The following DENND2B variants were observed in gnomAD, a reference collection of about 807,000 sequenced individuals.
DENND2B encodes the protein DENN domain containing 2B.
In DENND2B, 32 loss-of-function variants were observed where a neutral mutation model predicts 116.0. The ratio of observed to expected loss-of-function variants is 0.28; its 90% CI spans 0.21 to 0.37. DENND2B has a LOEUF of 0.37. Ranked by LOEUF, DENND2B falls within the 10% of genes least tolerant of loss-of-function variation. The pLI is 1.00. For synonymous variants in DENND2B, 588 were observed against 583.9 expected (o/e 1.01, Z -0.10); for missense variants, 1,276 against 1,477.7 (o/e 0.86, Z 2.24).
At chr11:8,752,297 C>T (rs1565847721) in intron 1 of DENND2B, among the ~76,000 whole-genome samples, 1 of 152,132 alleles carries the variant, frequency 6.6e-6, no homozygotes, top group South Asian at 2.1e-4. Flanking sequence ...ACTAAAAATA[C>T]AAAAATCAGC....
chr11:8,789,216 A>G (rs998265901), intron 1 of DENND2B, among the ~76,000 whole-genome samples: 2 of 152,270 alleles, frequency 1.3e-5, no homozygotes, highest in Admixed American at 1.3e-4. Flanking sequence ...AAAACAAGCT[A>G]GTTCATGTGT....
At chr11:8,770,050 G>C (rs1038213868) in intron 1 of DENND2B, among the ~76,000 whole-genome samples, 1 of 152,136 alleles carries the variant, frequency 6.6e-6, no homozygotes, top group Non-Finnish European at 1.5e-5. Flanking sequence ...TTTAATCAAA[G>C]AGACTGCCAG....
At chr11:8,831,292 A>G (rs75072453) in intron 4 of DENND2B, among the ~76,000 whole-genome samples, 8,432 of 152,294 alleles carry the variant, frequency 0.055, 369 homozygotes, top group East Asian at 0.17. Context: ...CCCAGAGGAA[A>G]GCATTCCTGG....
chr11:8,829,465 T>A (rs1361949270), intron 4 of DENND2B, among the ~76,000 whole-genome samples: 2 of 152,128 alleles, frequency 1.3e-5, no homozygotes, highest in Non-Finnish European at 2.9e-5. Flanking sequence ...TCAGTACTAT[T>A]CATATACATT....
chr11:8,868,316 G>A (rs2063656754), intron 2 of DENND2B, among the ~76,000 whole-genome samples: 1 of 152,214 alleles, frequency 6.6e-6, no homozygotes, highest in African/African-American at 2.4e-5. Flanking sequence ...TCACATTCCT[G>A]TACATAGATG....
At chr11:8,811,937 C>G (rs1445572319), upstream of DENND2B, among the ~76,000 whole-genome samples, 3 of 152,058 alleles carry the variant, frequency 2.0e-5, no homozygotes, top group African/African-American at 4.8e-5. Flanking sequence ...CAGGGTCTCA[C>G]TATGTTGCCC....
At chr11:8,808,066 G>C (rs1040664903) in intron 1 of DENND2B, 1 of 152,384 alleles carries the variant, frequency 6.6e-6, no homozygotes, top group Non-Finnish European at 1.5e-5. Context: ...GGCATATCAA[G>C]AATCTCTGCC....
At chr11:8,850,835 C>A (rs1745584905) in intron 3 of DENND2B, among the ~76,000 whole-genome samples, 1 of 152,178 alleles carries the variant, frequency 6.6e-6, no homozygotes, top group South Asian at 2.1e-4. Flanking sequence ...CAATGGAATA[C>A]TATTCAGCTA....
intron 3 of DENND2B, among the ~76,000 whole-genome samples, chr11:8,843,987 T>C (rs937827459): frequency 3.3e-5 from 5 of 152,268 alleles, no homozygotes; most frequent in African/African-American, 1.2e-4. Context: ...AATGTCTGTT[T>C]ATCTTATGTG....
chr11:8,882,440 G>C, intron 1 of DENND2B, among the ~76,000 whole-genome samples: 1 of 152,178 alleles, frequency 6.6e-6, no homozygotes, highest in South Asian at 2.1e-4. Flanking sequence ...CCAATCTGCT[G>C]ACTGCCAGAT....
At chr11:8,708,147 CAAAGCAGTTTGGCAGAGGCTACAGGGT>C in intron 11 of DENND2B, 1 of 1,335,146 alleles carries the variant, frequency 7.5e-7, no homozygotes, top group Non-Finnish European at 9.6e-7. Context: ...TGGCAAAGGG[CAAAGCAGTTTGGCAGAGGCTACAGGGT>C]GTCTGTGGAT....
chr11:8,901,466 C>A (rs976037986), intron 1 of DENND2B, among the ~76,000 whole-genome samples: 3 of 151,718 alleles, frequency 2.0e-5, no homozygotes, highest in African/African-American at 7.3e-5. Flanking sequence ...CTGACCTCAA[C>A]TGATCTGCCC....
intron 1 of DENND2B, chr11:8,774,138 T>G: frequency 3.0e-6 from 3 of 985,466 alleles, no homozygotes; most frequent in Non-Finnish European, 3.6e-6. Flanking sequence ...TAAAAGTGCT[T>G]TCTTTCTGGG....
intron 3 of DENND2B, among the ~76,000 whole-genome samples, chr11:8,727,967 ACACACACACAC>A (rs1565745896): frequency 5.8e-3 from 5 of 858 alleles, no homozygotes; most frequent in African/African-American, 0.023. Flanking sequence ...TTACACAAAC[ACACACACACAC>A]ACACACACAC....
intron 2 of DENND2B, among the ~76,000 whole-genome samples, chr11:8,748,026 T>C (rs2051600003): frequency 6.6e-6 from 1 of 152,144 alleles, no homozygotes; most frequent in Admixed American, 6.5e-5. Context: ...CAGTTTTCCT[T>C]GACCAGACCT....
intron 1 of DENND2B, among the ~76,000 whole-genome samples, chr11:8,806,416 C>CT (rs2060840617): frequency 1.3e-5 from 2 of 152,178 alleles, no homozygotes; most frequent in East Asian, 1.9e-4. Context: ...ATAATTCACT[C>CT]TTTTATAAGG....
intron 9 of DENND2B, chr11:8,711,781 C>T (rs1023819995): frequency 2.1e-5 from 6 of 281,684 alleles, no homozygotes; most frequent in African/African-American, 1.1e-4. Flanking sequence ...GCAGGAGAAT[C>T]GCTTGAACCC....
chr11:8,814,267 C>CATTTT (rs1555204789), upstream of DENND2B, among the ~76,000 whole-genome samples: 1 of 121,510 alleles, frequency 8.2e-6, no homozygotes, highest in Non-Finnish European at 1.6e-5. Context: ...TCTGAATCAC[C>CATTTT]TTTTTTTTTT....
At chr11:8,710,753 G>GCA (rs56230708) in intron 11 of DENND2B, 92 bp downstream of exon 11, 36,365 of 824,106 alleles carry the variant, frequency 0.044, 348 homozygotes, top group African/African-American at 0.098. Context: ...TTGCAGAAGG[G>GCA]CACACACACA....
Sources: allele counts gnomAD v4.1 joint callset (sites outside exome capture counted in the v4.1 genomes callset), GRCh38; gene constraint gnomAD v4.1.1; transcripts MANE v1.5; gene names NCBI Gene and HGNC (gene_info 2026-07-23, HGNC 2026-07-21).